Variants in NAPRT observed in about 807,000 individuals in gnomAD.
NAPRT encodes the protein nicotinate phosphoribosyltransferase.
Under a neutral mutation model 60.7 loss-of-function variants are expected in NAPRT, and 66 were observed. The observed-to-expected ratio is 1.09, with a 90% confidence interval of 0.89 to 1.33. The LOEUF is 1.33. Ranked by LOEUF, NAPRT falls within the 40% of genes most tolerant of loss-of-function variation. The pLI, the probability that NAPRT is intolerant of heterozygous loss-of-function variation, is 0.00. For missense variants in NAPRT, 818 were observed against 731.5 expected (o/e 1.12, Z -1.36); for synonymous variants, 405 against 335.7 (o/e 1.21, Z -2.26).
chr8:143,577,970 C>G, intron 1 of NAPRT, 27 bp from the exon 2 acceptor site: 2 of 1,599,246 alleles, frequency 1.3e-6, no homozygotes, highest in Admixed American at 1.7e-5. Flanking sequence ...TGCGCTGAGA[C>G]CAGCGCGGGG....
Position 143,574,943 on chromosome 8 carries a change from G to A in NAPRT, c.1554+43C>T, listed in dbSNP as rs745462493. 5.1e-5 allele frequency: 79 copies of A among 1,549,792 alleles called. No homozygotes were observed. In the East Asian group the frequency reaches 1.1e-3, roughly 23 times the overall value. Reference sequence around the variant, plus strand: ...CAGGAGCGGTGGGCAGGGTGAGGGCGGGGGCGCACAGGGCAGAATGACAGG... The same window carrying A: ...CAGGAGCGGTGGGCAGGGTGAGGGCAGGGGCGCACAGGGCAGAATGACAGG... On this transcript the variant is annotated intron_variant, in intron 12 of 12. Transcript: ENST00000449291.
chr8:143,574,505 C>G, downstream of NAPRT: 2 of 517,520 alleles, frequency 3.9e-6, no homozygotes, highest in South Asian at 4.1e-5. Context: ...CAGCAACTCC[C>G]TCAACTCCAA....
chr8:143,578,273 G>T lies in NAPRT; in HGVS notation c.46C>A (p.Leu16Met). 7.0e-7 allele frequency: 1 copy of T among 1,419,728 alleles called. No homozygotes were observed. Among genetic ancestry groups the T allele is most frequent in the Non-Finnish European group, 9.1e-7 (1 of 1,093,128 alleles). The allele number at this position is 1,419,728 out of a possible 1,614,324, so 87.9% of individuals were successfully genotyped here. Residue 16 changes from leucine to methionine, a missense_variant, in exon 1 of 13, where the codon CTG becomes ATG. Physicochemically the swap from Leu to Met is conservative, Grantham distance 15 (BLOSUM62 2). Transcript: ENST00000449291. The part of the protein sequence containing the change: ...DPEARAAARP[L>M]LTDLYQATMA... ...GTGGCCTGGTAGAGGTCAGTGAGCA[G>T]CGGCCGCGCCGCCGCGCGCGCCTCG...
At chr8:143,577,027 G>T (rs376607994) in intron 5 of NAPRT, 35 bp downstream of exon 5, 2 of 1,595,936 alleles carry the variant, frequency 1.3e-6, no homozygotes, top group East Asian at 4.5e-5. Context: ...GGGGCCTGTC[G>T]CCTGGAGACA....
In NAPRT at chr8:143,577,047, A is replaced by C; in HGVS notation, c.684+15T>G. The C allele has an allele frequency of 3.1e-6, 5 of 1,609,736 alleles. No individual in the cohort carries two copies. Among genetic ancestry groups the C allele is most frequent in the South Asian group, 1.1e-5 (1 of 90,964 alleles). The stretch of plus-strand genomic sequence containing the variant: ...CTGTCGCCTGGAGACAGCAGGGTTT[A>C]GAGGAGGGACTGACCGGGTCAGGGG... On this transcript the variant is annotated intron_variant, in intron 5 of 12. Coordinates refer to ENST00000449291, the MANE Select transcript of NAPRT (RefSeq NM_145201.6).
downstream of NAPRT, chr8:143,574,779 A>T (rs1824307413): frequency 1.3e-6 from 2 of 1,543,038 alleles, no homozygotes; most frequent in Non-Finnish European, 1.8e-6. Flanking sequence ...ACAACACAGG[A>T]CAAGCTGTGG....
In NAPRT at chr8:143,575,083, G is replaced by A. The variant is rs765901087; in HGVS notation, c.1457C>T (p.Pro486Leu). The A allele has an allele frequency of 9.2e-6, 14 of 1,515,898 alleles. No individual in the cohort carries two copies. Among genetic ancestry groups the A allele is most frequent in the East Asian group, 7.4e-5 (3 of 40,558 alleles). 93.9% of individuals were successfully genotyped at this position (1,515,898 alleles called of 1,614,324 possible). A position where few individuals can be genotyped will look rare whatever the true frequency, so the allele number is the denominator to read the frequency against. Residue 486 changes from proline to leucine, a missense_variant, in exon 12 of 13, where the codon CCG (proline) becomes CTG (leucine). Physicochemically the swap from Pro to Leu is moderately conservative, Grantham distance 98. Transcript: ENST00000449291. ...TCTAGACTCTGCCAGGGATGGGAGC[G>A]GCTCACACAGCTGCAGGGAGGAGGT... ...LCLQQGQLCE[P>L]LPSLAESRAL...
chr8:143,575,155 G>A, intron 11 of NAPRT, 36 bp downstream of exon 11: 2 of 1,588,200 alleles, frequency 1.3e-6, no homozygotes, highest in Non-Finnish European at 1.7e-6. Flanking sequence ...GCTCTACCGG[G>A]GCTGGGGGTC....
In NAPRT at chr8:143,577,243, T is replaced by C. The variant is rs200295796; in HGVS notation, c.568+26A>G. ...GATGGGGCTCCTCCTTCCCGGCCCT[T>C]GCCTTGCCCCGCACCAGACACTCAC... On this transcript the variant is annotated intron_variant, in intron 4 of 12. Transcript: ENST00000449291. The C allele has an allele frequency of 7.0e-5, 113 of 1,606,238 alleles. 1 individual carries two copies. The East Asian group carries it at 2.5e-3, about 36-fold the overall frequency.
intron 1 of NAPRT, 46 bp from the exon 2 acceptor site, chr8:143,577,989 G>C: frequency 1.3e-6 from 2 of 1,580,976 alleles, no homozygotes; most frequent in East Asian, 4.5e-5. Context: ...GGACAGACCG[G>C]TCGTGGGACA....
At chr8:143,575,935 G>A (rs1404953140) in intron 8 of NAPRT, 143 bp downstream of exon 8, 1 of 707,446 alleles carries the variant, frequency 1.4e-6, no homozygotes, top group Non-Finnish European at 2.3e-6. Context: ...CCTGGGTGGG[G>A]GAAGGAGGTG....
At position 143,577,534 on chromosome 8, in the gene NAPRT, G is replaced by A. The variant is rs571475894; in HGVS notation, c.437+123C>T. Reference sequence around the variant, plus strand: ...AGCCCCTCCTTACACCCTGAAGAGTGGGGGCGGGAGGCCAGTCCTGGGACC... The same window carrying A: ...AGCCCCTCCTTACACCCTGAAGAGTAGGGGCGGGAGGCCAGTCCTGGGACC... On this transcript the variant is annotated intron_variant, in intron 3 of 12. Coordinates refer to ENST00000449291, the MANE Select transcript of NAPRT (RefSeq NM_145201.6). 4.6e-5 allele frequency: 67 copies of A among 1,444,006 alleles called. No homozygotes were observed. The Admixed American group carries it at 7.4e-4, about 16-fold the overall frequency. The allele number at this position is 1,444,006 out of a possible 1,614,324, so 89.4% of individuals were successfully genotyped here.
Position 143,576,099 on chromosome 8 carries a change from C to T in NAPRT, c.1086G>A (p.Ala362=), listed in dbSNP as rs146521363. Residue 362 remains alanine, a synonymous_variant, in exon 8 of 13, where the codon GCG becomes GCA. Coordinates refer to ENST00000449291, the MANE Select transcript of NAPRT (RefSeq NM_145201.6). Reference sequence around the variant, plus strand: ...CCACCTCCTGGGCCAGTCGGGCCAGCGCCTCCTCGTCAATGTTGTTGCTGA... The same window carrying T: ...CCACCTCCTGGGCCAGTCGGGCCAGTGCCTCCTCGTCAATGTTGTTGCTGA... ...IVVSNNIDEE[A]LARLAQEGSE... 3.1e-5 allele frequency: 49 copies of T among 1,602,466 alleles called. No individual in the cohort carries two copies. In the African/African-American group the frequency reaches 4.3e-4, roughly 14 times the overall value.
In NAPRT at chr8:143,574,986, C is replaced by G. The variant is rs1169455743; in HGVS notation, c.1554G>C (p.Gln518His). The G allele has an allele frequency of 3.2e-6, 5 of 1,541,956 alleles. No homozygotes were observed. Among genetic ancestry groups the G allele is most frequent in the Non-Finnish European group, 4.4e-6 (5 of 1,142,366 alleles). The change falls in exon 12 of 13, where the codon CAG becomes CAC. Residue 518 changes from glutamine to histidine, a missense_variant and splice_region_variant. Physicochemically the swap from Gln to His is conservative, Grantham distance 24. Coordinates refer to ENST00000449291, the MANE Select transcript of NAPRT (RefSeq NM_145201.6). The part of the protein sequence containing the change: ...HRRLRSPAQY[Q>H]VVLSERLQAL... ...ATGACAGGGTGGGCCTCCCCCCAACCTGGTACTGTGCAGGGCTCCGCAGCC... is the reference window on the plus strand; with the variant it reads ...ATGACAGGGTGGGCCTCCCCCCAACGTGGTACTGTGCAGGGCTCCGCAGCC...
Position 143,575,691 on chromosome 8 carries a change from C to G in NAPRT, c.1119G>C (p.Val373=). The change falls in exon 9 of 13, where the codon GTG becomes GTC. Residue 373 remains valine, a synonymous_variant. Coordinates refer to ENST00000449291, the MANE Select transcript of NAPRT (RefSeq NM_145201.6). ...CACTGGTGCCAATGCCAATGACATT[C>G]ACCTCACTGCCCTGGGTGGGGAAGG... ...LARLAQEGSE[V]NVIGIGTSVV... The G allele has an allele frequency of 6.3e-7, 1 of 1,585,508 alleles. No homozygotes were observed. The highest frequency in any genetic ancestry group is 1.3e-5 in the African/African-American group (1 of 74,598).
At position 143,577,379 on chromosome 8, in the gene NAPRT, G is replaced by C. The variant is rs751562216; in HGVS notation, c.458C>G (p.Ala153Gly). 1.5e-5 allele frequency: 24 copies of C among 1,607,726 alleles called. 1 individual carries two copies. In the South Asian group the frequency reaches 2.2e-4, roughly 15 times the overall value. Residue 153 changes from alanine (A) to glycine (G), a missense_variant, in exon 4 of 13, where the codon GCG (alanine) becomes GGG (glycine). Transcript: ENST00000449291. ...SYASLVATNA[A>G]RLRLIAGPEK... ...TGGCCCTGCGATCAAGCGAAGCCGC[G>C]CTGCGTTGGTGGCCACCAGGCTGTG...
chr8:143,573,176 C>A (rs571512157), downstream of NAPRT, among the ~76,000 whole-genome samples: 7 of 152,266 alleles, frequency 4.6e-5, no homozygotes, highest in African/African-American at 1.7e-4. Context: ...GGGCCTGGGG[C>A]TAGGGGCTGG....
At chr8:143,577,471 G>A in intron 3 of NAPRT, 72 bp from the exon 4 acceptor site, 2 of 1,522,206 alleles carry the variant, frequency 1.3e-6, no homozygotes, top group Non-Finnish European at 1.8e-6. Flanking sequence ...GGTTACCTGG[G>A]GCCTGGAACT....
chr8:143,578,135 C>A lies in NAPRT; in HGVS notation c.184G>T (p.Asp62Tyr). 1.3e-6 allele frequency: 2 copies of A among 1,523,094 alleles called. No homozygotes were observed. The highest frequency in any genetic ancestry group is 1.2e-5 in the South Asian group (1 of 83,314). 94.3% of individuals were successfully genotyped at this position (1,523,094 alleles called of 1,614,324 possible). A position where few individuals can be genotyped will look rare whatever the true frequency, so the allele number is the denominator to read the frequency against. Reference protein sequence around the residue: ...GAFALAAGLRDCVRFLRAFRL... With the variant: ...GAFALAAGLRYCVRFLRAFRL... ...AAGGCGCGCAGGAAGCGCACACAGTCGCGCAAGCCGGCGGCCAAGGCGAAG... is the reference window on the plus strand; with the variant it reads ...AAGGCGCGCAGGAAGCGCACACAGTAGCGCAAGCCGGCGGCCAAGGCGAAG... The change falls in exon 1 of 13, where the codon GAC (aspartate) becomes TAC (tyrosine). Residue 62 changes from aspartate to tyrosine, a missense_variant. By Grantham distance (160) the Asp-to-Tyr change is radical. Coordinates refer to ENST00000449291, the MANE Select transcript of NAPRT (RefSeq NM_145201.6).
Sources: allele counts gnomAD v4.1 joint callset (sites outside exome capture counted in the v4.1 genomes callset), GRCh38; gene constraint gnomAD v4.1.1; transcripts MANE v1.5; gene names NCBI Gene and HGNC (gene_info 2026-07-23, HGNC 2026-07-21).